ADGRB3: variants seen among roughly 807,000 people sequenced by gnomAD.
ADGRB3 encodes brain-specific angiogenesis inhibitor 3.
A neutral mutation model predicts 193.4 loss-of-function variants in ADGRB3; 37 were observed. The ratio of observed to expected loss-of-function variants is 0.19; its 90% CI spans 0.15 to 0.25. The LOEUF (loss-of-function observed/expected upper bound fraction) is 0.25, where lower values mean the gene tolerates loss of function less well. Among genes scored for constraint, ADGRB3 ranks in the 10% least tolerant of loss-of-function variants. ADGRB3 has a pLI of 1.00. For synonymous variants in ADGRB3, 690 were observed against 644.2 expected (o/e 1.07, Z -1.08); for missense variants, 1,637 against 1,852.9 (o/e 0.88, Z 2.14).
At chr6:68,722,339 T>G (rs1037381298) in intron 3 of ADGRB3, among the ~76,000 whole-genome samples, 1 of 151,436 alleles carries the variant, frequency 6.6e-6, no homozygotes, top group African/African-American at 2.4e-5. Context: ...GCGGGGGTTG[T>G]GTAGGGGAGA....
chr6:68,868,073 A>T (rs12194428), intron 3 of ADGRB3, among the ~76,000 whole-genome samples: 1 of 152,116 alleles, frequency 6.6e-6, no homozygotes, highest in Non-Finnish European at 1.5e-5. Context: ...GAAGGACATG[A>T]GATTTGAGAG....
At chr6:68,859,044 T>G (rs1765073479) in intron 3 of ADGRB3, among the ~76,000 whole-genome samples, 1 of 151,584 alleles carries the variant, frequency 6.6e-6, no homozygotes, top group South Asian at 2.1e-4. Context: ...GTTTGCAAAC[T>G]TTTGTGCTCT....
chr6:68,812,262 G>C (rs1000365796), intron 3 of ADGRB3, among the ~76,000 whole-genome samples: 1 of 152,156 alleles, frequency 6.6e-6, no homozygotes, highest in African/African-American at 2.4e-5. Flanking sequence ...TATCCTGTAG[G>C]TGGTAGAGAG....
chr6:69,338,709 C>A (rs568006576), intron 24 of ADGRB3, among the ~76,000 whole-genome samples: 1 of 152,252 alleles, frequency 6.6e-6, no homozygotes, highest in South Asian at 2.1e-4. Context: ...ATATGTTTTG[C>A]ATGCAACAAA....
At chr6:69,042,127 T>G (rs1433480915) in intron 13 of ADGRB3, among the ~76,000 whole-genome samples, 2 of 152,186 alleles carry the variant, frequency 1.3e-5, no homozygotes, top group East Asian at 1.9e-4. Flanking sequence ...CTCTCTCTGC[T>G]GCCACGTGAA....
intron 3 of ADGRB3, among the ~76,000 whole-genome samples, chr6:68,739,534 A>G (rs1282559624): frequency 6.6e-6 from 1 of 152,156 alleles, no homozygotes; most frequent in East Asian, 1.9e-4. Flanking sequence ...GAGAAGTCAG[A>G]GTGCACAGGT....
chr6:69,380,445 G>C lies in ADGRB3; in HGVS notation c.4276-2386G>C, dbSNP rs1769923662. Among the ~76,000 whole-genome samples, 3 of 152,030 alleles carry C rather than the reference G, an allele frequency of 2.0e-5. No homozygotes were observed. In the South Asian group the frequency reaches 6.2e-4, roughly 32 times the overall value. ...GCTCATCTCAAAATAAGGGTGCCGT[G>C]CCTTTGGCATCAACTCTCTTAGAAG... On this transcript the variant is annotated intron_variant, in intron 30 of 31. Coordinates refer to ENST00000370598, the MANE Select transcript of ADGRB3 (RefSeq NM_001704.3).
chr6:69,190,669 G>T (rs907303355), intron 17 of ADGRB3, among the ~76,000 whole-genome samples: 36 of 152,056 alleles, frequency 2.4e-4, no homozygotes, highest in African/African-American at 8.4e-4. Flanking sequence ...AGTATAGAAT[G>T]GTGTTCTAGG....
At chr6:68,884,423 G>A (rs1212746614) in intron 3 of ADGRB3, among the ~76,000 whole-genome samples, 1 of 152,170 alleles carries the variant, frequency 6.6e-6, no homozygotes, top group Non-Finnish European at 1.5e-5. Flanking sequence ...GATTGAGAGT[G>A]AGAACATGTC....
intron 19 of ADGRB3, among the ~76,000 whole-genome samples, chr6:69,235,416 AG>A (rs1174641072): frequency 3.9e-5 from 6 of 152,088 alleles, no homozygotes; most frequent in Non-Finnish European, 8.8e-5. Flanking sequence ...CCCCAAGCAT[AG>A]TACTCTTACA....
chr6:69,381,678 A>G (rs1769949248), intron 30 of ADGRB3, among the ~76,000 whole-genome samples: 1 of 152,058 alleles, frequency 6.6e-6, no homozygotes, highest in South Asian at 2.1e-4. Flanking sequence ...GGAATTAGGC[A>G]TTACAGCTCT....
At chr6:69,138,846 A>G (rs912865426) in intron 17 of ADGRB3, among the ~76,000 whole-genome samples, 1 of 152,244 alleles carries the variant, frequency 6.6e-6, no homozygotes. Flanking sequence ...CAAAGGTTAT[A>G]AAAGGAATAA....
intron 17 of ADGRB3, among the ~76,000 whole-genome samples, chr6:69,146,944 T>G (rs886402066): frequency 2.0e-5 from 3 of 151,728 alleles, no homozygotes; most frequent in Non-Finnish European, 4.4e-5. Flanking sequence ...CGTTCATATA[T>G]AGTTGCCGAC....
At chr6:69,186,928 T>A in intron 17 of ADGRB3, among the ~76,000 whole-genome samples, 1 of 140,326 alleles carries the variant, frequency 7.1e-6, no homozygotes, top group Non-Finnish European at 1.6e-5. Flanking sequence ...ATAGCAAGGT[T>A]TTTTTTTTGT....
intron 3 of ADGRB3, among the ~76,000 whole-genome samples, chr6:68,851,983 A>G (rs1768412079): frequency 6.6e-6 from 1 of 151,802 alleles, no homozygotes; most frequent in South Asian, 2.1e-4. Context: ...TTATATGAGA[A>G]AGACACAAAA....
intron 3 of ADGRB3, among the ~76,000 whole-genome samples, chr6:68,891,525 T>G (rs1766076467): frequency 6.6e-6 from 1 of 152,176 alleles, no homozygotes; most frequent in Non-Finnish European, 1.5e-5. Context: ...TGAGACATTA[T>G]GATGGTAGAT....
intron 3 of ADGRB3, among the ~76,000 whole-genome samples, chr6:68,779,050 A>G (rs1175244343): frequency 6.6e-6 from 1 of 151,994 alleles, no homozygotes; most frequent in Non-Finnish European, 1.5e-5. Context: ...GCTAAAGAAG[A>G]GATCACCCAC....
chr6:68,723,615 A>G (rs554937199), intron 3 of ADGRB3, among the ~76,000 whole-genome samples: 2 of 151,778 alleles, frequency 1.3e-5, no homozygotes, highest in Non-Finnish European at 2.9e-5. Flanking sequence ...TTTATCATCT[A>G]TCAGCACTAT....
At chr6:69,266,478 G>A (rs1051110605) in intron 20 of ADGRB3, among the ~76,000 whole-genome samples, 1 of 151,946 alleles carries the variant, frequency 6.6e-6, no homozygotes, top group Non-Finnish European at 1.5e-5. Context: ...AGCACAAAAA[G>A]CTAATCTCTG....
Sources: allele counts gnomAD v4.1 joint callset (sites outside exome capture counted in the v4.1 genomes callset), GRCh38; gene constraint gnomAD v4.1.1; transcripts MANE v1.5; gene names NCBI Gene and HGNC (gene_info 2026-07-23, HGNC 2026-07-21).